DPAGT1: variants seen among roughly 807,000 people sequenced by gnomAD.
The protein encoded by DPAGT1 is UDP-N-acetylglucosamine--dolichyl-phosphate N-acetylglucosaminephosphotransferase.
Under a neutral mutation model 39.3 loss-of-function variants are expected in DPAGT1, and 25 were observed. The ratio of observed to expected loss-of-function variants is 0.64; its 90% CI spans 0.46 to 0.89. The LOEUF (loss-of-function observed/expected upper bound fraction) is 0.89. Ranked by LOEUF, DPAGT1 falls within the 40% of genes least tolerant of loss-of-function variation. DPAGT1 has a pLI of 0.00. For missense variants in DPAGT1, 381 were observed against 500.6 expected, an observed-to-expected ratio of 0.76 and a Z score of 2.28; for synonymous variants, 193 against 201.4, an observed-to-expected ratio of 0.96 and a Z score of 0.36.
chr11:119,095,679 T>G (rs1452551318), downstream of DPAGT1, among the ~76,000 whole-genome samples: 1 of 152,154 alleles, frequency 6.6e-6, no homozygotes, highest in African/African-American at 2.4e-5. Flanking sequence ...GCACGCAGAC[T>G]GCCAACTATC....
chr11:119,098,272 C>T (rs768645012), intron 5 of DPAGT1, 131 bp downstream of exon 5: 4 of 1,197,808 alleles, frequency 3.3e-6, no homozygotes, highest in Non-Finnish European at 5.0e-6. Flanking sequence ...CAGAATACGA[C>T]CAACTGAAGA....
Position 119,101,117 on chromosome 11 carries a change from GA to G in DPAGT1, c.182del (p.Ile61ThrfsTer19), listed in dbSNP as rs1946496267. On this transcript the variant is annotated frameshift_variant, in exon 2 of 9. Transcript: ENST00000354202. LOFTEE classifies it high-confidence loss of function. ...GGATGATAAGGAAAACAGCACCGCT[GA>G]TCACTCCCTGGGATTCTGGGCTGTG... ...RQQIPESQGV[I>X]SGAVFLIILF... 1 of 1,614,048 alleles carries G rather than the reference GA, an allele frequency of 6.2e-7. No individual in the cohort carries two copies. The highest frequency in any genetic ancestry group is 1.3e-5 in the African/African-American group (1 of 74,916).
At chr11:119,095,816 T>C (rs888602110), downstream of DPAGT1, among the ~76,000 whole-genome samples, 3 of 152,128 alleles carry the variant, frequency 2.0e-5, no homozygotes, top group East Asian at 3.9e-4. Flanking sequence ...TGTGCCGGCG[T>C]AGGATTTTTA....
intron 5 of DPAGT1, 75 bp from the exon 6 acceptor site, chr11:119,098,118 G>A: frequency 1.3e-6 from 2 of 1,586,710 alleles, no homozygotes; most frequent in East Asian, 2.2e-5. Flanking sequence ...CACCCTATGG[G>A]CACTGGACTA....
downstream of DPAGT1, chr11:119,095,464 C>T (rs927247757): frequency 9.7e-6 from 14 of 1,442,216 alleles, no homozygotes; most frequent in Non-Finnish European, 1.3e-5. Flanking sequence ...AGTGTAACTG[C>T]TGTCGCGCGC....
chr11:119,101,515 G>A lies in DPAGT1; in HGVS notation c.141C>T (p.Asn47=). Residue 47 remains asparagine (N), a synonymous_variant, in exon 1 of 9, where the codon AAC becomes AAT. Coordinates refer to ENST00000354202, the MANE Select transcript of DPAGT1 (RefSeq NM_001382.4). ...IAARLCGQDL[N]KTSRQQIPES... The stretch of plus-strand genomic sequence containing the variant: ...CTCACATCTGCTGTCGGCTGGTTTT[G>A]TTGAGGTCCTGACCACAGAGGCGCG... 1.9e-6 allele frequency: 3 copies of A among 1,614,132 alleles called. No individual in the cohort carries two copies. Among genetic ancestry groups the A allele is most frequent in the Non-Finnish European group, 2.5e-6 (3 of 1,179,988 alleles).
At position 119,097,814 on chromosome 11, in the gene DPAGT1, G is replaced by T; in HGVS notation, c.917+41C>A. ...TAGGCTGGCATTAGATATCCCAAGT[G>T]AAAAGGCTATGATGTCCATTTCAAG... On this transcript the variant is annotated intron_variant, in intron 6 of 8. Coordinates refer to ENST00000354202, the MANE Select transcript of DPAGT1 (RefSeq NM_001382.4). The surrounding 1 kb of genome is among the most constrained non-coding windows in gnomAD (Gnocchi z 4.6). 6.2e-7 allele frequency: 1 copy of T among 1,612,452 alleles called. No individual in the cohort carries two copies. The highest frequency in any genetic ancestry group is 1.1e-5 in the South Asian group (1 of 91,012).
chr11:119,098,361 A>T, intron 5 of DPAGT1, 42 bp downstream of exon 5: 1 of 1,593,380 alleles, frequency 6.3e-7, no homozygotes, highest in South Asian at 1.1e-5. Flanking sequence ...CATCTTTGCC[A>T]TGTGTTCAGG....
chr11:119,095,473 G>T, downstream of DPAGT1: 2 of 1,427,358 alleles, frequency 1.4e-6, no homozygotes, highest in African/African-American at 1.4e-5. Flanking sequence ...GCTGTCGCGC[G>T]CGCGCCGCGA....
At chr11:119,096,280 C>G (rs571963833), downstream of DPAGT1, among the ~76,000 whole-genome samples, 1 of 152,162 alleles carries the variant, frequency 6.6e-6, no homozygotes, top group African/African-American at 2.4e-5. Flanking sequence ...AAAGTTTGTT[C>G]CCATGCCAGG....
intron 1 of DPAGT1, 154 bp from the exon 2 acceptor site, chr11:119,101,292 C>T: frequency 7.4e-7 from 1 of 1,344,942 alleles, no homozygotes; most frequent in Non-Finnish European, 1.0e-6. Flanking sequence ...AGCACCACTG[C>T]CAGAGTCCCA....
downstream of DPAGT1, chr11:119,095,194 C>G: frequency 6.2e-7 from 1 of 1,614,002 alleles, no homozygotes; most frequent in Non-Finnish European, 8.5e-7. Flanking sequence ...CCGCATTGCC[C>G]GCCAGCTCCA....
intron 1 of DPAGT1, 125 bp from the exon 2 acceptor site, chr11:119,101,263 AG>A: frequency 7.1e-7 from 1 of 1,412,688 alleles, no homozygotes; most frequent in Non-Finnish European, 9.8e-7. Flanking sequence ...GTAAGTGGTG[AG>A]GGGGGCGGAG....
rs1044084704 is a variant in DPAGT1 at position 119,101,712 on chromosome 11, A to G, written c.-57T>C. ...TCTTCAGGTAACGGGCAAGCTGAGC[A>G]GCAGTCCTGAGGCCTCAGCAGTATG... On this transcript the variant is annotated 5_prime_UTR_variant, in exon 1 of 9. Transcript: ENST00000354202. The G allele has an allele frequency of 1.4e-5, 23 of 1,613,104 alleles. No individual in the cohort carries two copies. Among genetic ancestry groups the G allele is most frequent in the Middle Eastern group, 3.5e-4 (2 of 5,794 alleles).
chr11:119,097,247 A>G lies in DPAGT1; in HGVS notation c.1056T>C (p.Asp352=), dbSNP rs1946413667. 6.2e-6 allele frequency: 10 copies of G among 1,614,108 alleles called. No homozygotes were observed. The highest frequency in any genetic ancestry group is 1.3e-5 in the African/African-American group (1 of 74,934). The stretch of plus-strand genomic sequence containing the variant: ...TGTTGTTACATTCAGTGAATTCACC[A>G]TCTTCAGTCTCACTCTGGTGTACTG... ...LVTVHQSETE[D]GEFTECNNMT... is the part of the protein sequence containing the mutation. Residue 352 remains aspartate, a synonymous_variant, in exon 8 of 9, where the codon GAT becomes GAC. Coordinates refer to ENST00000354202, the MANE Select transcript of DPAGT1 (RefSeq NM_001382.4). The surrounding 1 kb of genome is among the most constrained non-coding windows in gnomAD (Gnocchi z 4.6).
At chr11:119,095,467 TCG>T (rs546223465), downstream of DPAGT1, 13 of 1,436,632 alleles carry the variant, frequency 9.0e-6, no homozygotes, top group African/African-American at 1.4e-5. Flanking sequence ...GTAACTGCTG[TCG>T]CGCGCGCGCC....
In DPAGT1 at chr11:119,101,034, G is replaced by A; in HGVS notation, c.266C>T (p.Ala89Val). 1.2e-6 allele frequency: 2 copies of A among 1,614,226 alleles called. No individual in the cohort carries two copies. The highest frequency in any genetic ancestry group is 8.5e-7 in the Non-Finnish European group (1 of 1,180,044). ...LNCFVKEQCK[A>V]FPHHEFVALI... Reference sequence around the variant, plus strand: ...CCCACTTACTTCATGGTGGGGGAATGCCTTACACTGCTCCTTCACAAAGCA... The same window carrying A: ...CCCACTTACTTCATGGTGGGGGAATACCTTACACTGCTCCTTCACAAAGCA... Residue 89 changes from alanine to valine, a missense_variant, in exon 2 of 9, where the codon GCA (alanine) becomes GTA (valine). Transcript: ENST00000354202.
chr11:119,097,159 G>A lies in DPAGT1; in HGVS notation c.1144C>T (p.Leu382Phe). The A allele has an allele frequency of 1.2e-6, 2 of 1,614,214 alleles. No individual in the cohort carries two copies. Among genetic ancestry groups the A allele is most frequent in the Non-Finnish European group, 1.7e-6 (2 of 1,180,042 alleles). ...GPIHERNLTL[L>F]LLLLQILGSA... is the part of the protein sequence containing the mutation. ...ATCCTCACCTGCAGCAGCAGCAGGA[G>A]CAATGTGAGGTTTCTCTCATGTATG... The change falls in exon 8 of 9, where the codon CTC becomes TTC. Residue 382 changes from leucine to phenylalanine, a missense_variant. Coordinates refer to ENST00000354202, the MANE Select transcript of DPAGT1 (RefSeq NM_001382.4). This position sits in a 1 kb window ranked among gnomAD's most constrained non-coding sequence, Gnocchi z 4.6.
At chr11:119,101,395 G>C (rs1013924771) in intron 1 of DPAGT1, 100 bp downstream of exon 1, 18 of 1,602,536 alleles carry the variant, frequency 1.1e-5, no homozygotes, top group Non-Finnish European at 1.4e-5. Context: ...GGTTAGTTCT[G>C]AGTCTTCACG....
Sources: allele counts gnomAD v4.1 joint callset (sites outside exome capture counted in the v4.1 genomes callset), GRCh38; gene constraint gnomAD v4.1.1; non-coding constraint Gnocchi (gnomAD v3.1); transcripts MANE v1.5; gene names NCBI Gene and HGNC (gene_info 2026-07-23, HGNC 2026-07-21).